The following ZBTB20 variants were observed in gnomAD, a reference collection of about 807,000 sequenced individuals.
ZBTB20 encodes the protein zinc finger and BTB domain containing 20, also known as zinc finger and BTB domain-containing protein 20.
A neutral mutation model predicts 56.9 loss-of-function variants in ZBTB20; 9 were observed. The observed-to-expected ratio is 0.16, with a 90% CI of 0.10 to 0.28. The LOEUF is 0.28. ZBTB20 is among the 10% of genes least tolerant of loss of function. ZBTB20 has a pLI of 1.00. For missense variants in ZBTB20, 655 were observed against 1,003.0 expected, an observed-to-expected ratio of 0.65 and a Z score of 4.69; for synonymous variants, 417 against 420.7, an observed-to-expected ratio of 0.99 and a Z score of 0.11.
intron 5 of ZBTB20, among the ~76,000 whole-genome samples, chr3:114,772,610 T>C (rs1328100371): frequency 6.6e-6 from 1 of 152,110 alleles, no homozygotes; most frequent in East Asian, 1.9e-4. Context: ...TCATAACATA[T>C]ATATTAAAAA....
At chr3:114,899,134 T>C (rs958433144) in intron 4 of ZBTB20, among the ~76,000 whole-genome samples, 2 of 152,192 alleles carry the variant, frequency 1.3e-5, no homozygotes, top group African/African-American at 4.8e-5. Flanking sequence ...AATTAAAGAA[T>C]AATATTCCAT....
At chr3:114,548,565 C>A (rs2050189073) in intron 6 of ZBTB20, among the ~76,000 whole-genome samples, 2 of 150,016 alleles carry the variant, frequency 1.3e-5, no homozygotes, top group South Asian at 2.1e-4. Context: ...GTTGCTCAGG[C>A]TGGAATGCAG....
chr3:114,996,924 C>T lies in ZBTB20; in HGVS notation c.-506-22508G>A, dbSNP rs377516633. On this transcript the variant is annotated intron_variant, in intron 2 of 11. Transcript: ENST00000675478. ...TCATTAGAGAAATGCAAATCAAAAC[C>T]ACAGTAAGATACCATCTCATGCCAG... 1.2e-4 allele frequency among the ~76,000 whole-genome samples: 18 copies of T among 151,852 alleles called. No individual in the cohort carries two copies. The East Asian group carries it at 2.3e-3, about 20-fold the overall frequency.
At chr3:114,464,211 T>C (rs1188261882) in intron 7 of ZBTB20, among the ~76,000 whole-genome samples, 1 of 152,234 alleles carries the variant, frequency 6.6e-6, no homozygotes, top group Non-Finnish European at 1.5e-5. Flanking sequence ...GCACATAAAG[T>C]GTCCATAGAT....
At chr3:115,094,005 C>T (rs2083291334) in intron 1 of ZBTB20, among the ~76,000 whole-genome samples, 1 of 151,900 alleles carries the variant, frequency 6.6e-6, no homozygotes, top group African/African-American at 2.4e-5. Flanking sequence ...AAGCACCAAC[C>T]CCTCAGCTAC....
At chr3:114,678,789 T>C (rs1287069419) in intron 6 of ZBTB20, among the ~76,000 whole-genome samples, 7 of 152,190 alleles carry the variant, frequency 4.6e-5, no homozygotes, top group Non-Finnish European at 7.3e-5. Context: ...AATTTATTAC[T>C]TCATTAAAGA....
chr3:114,844,047 T>G (rs1272499586), intron 4 of ZBTB20, among the ~76,000 whole-genome samples: 1 of 151,860 alleles, frequency 6.6e-6, no homozygotes, highest in Non-Finnish European at 1.5e-5. Context: ...TTGCTAAAAA[T>G]TGTAAACAGT....
intron 4 of ZBTB20, among the ~76,000 whole-genome samples, chr3:114,832,628 T>C (rs1238318474): frequency 2.0e-5 from 3 of 152,136 alleles, no homozygotes; most frequent in Admixed American, 2.0e-4. Flanking sequence ...CTAAAAGCTA[T>C]GAAACGTTAT....
intron 1 of ZBTB20, among the ~76,000 whole-genome samples, chr3:115,137,003 C>A (rs1188527576): frequency 6.6e-6 from 1 of 152,020 alleles, no homozygotes; most frequent in East Asian, 1.9e-4. Context: ...CGATGATGAA[C>A]TTGAGGAGAA....
chr3:114,808,867 C>T (rs1324243235), intron 4 of ZBTB20, among the ~76,000 whole-genome samples: 2 of 151,964 alleles, frequency 1.3e-5, no homozygotes, highest in African/African-American at 4.8e-5. Context: ...TAAGGCAGGT[C>T]TACTAGCAAC....
chr3:115,029,531 C>A, intron 2 of ZBTB20, among the ~76,000 whole-genome samples: 1 of 150,484 alleles, frequency 6.6e-6, no homozygotes, highest in African/African-American at 2.4e-5. Flanking sequence ...ACTGATAGAA[C>A]TGAAGAGAAA....
intron 3 of ZBTB20, among the ~76,000 whole-genome samples, chr3:114,961,019 G>T (rs1449516867): frequency 6.6e-6 from 1 of 151,982 alleles, no homozygotes; most frequent in Non-Finnish European, 1.5e-5. Context: ...GGTCCCTGCA[G>T]CAGACAAGGT....
intron 5 of ZBTB20, among the ~76,000 whole-genome samples, chr3:114,761,914 A>C (rs2068473715): frequency 6.6e-6 from 1 of 152,168 alleles, no homozygotes; most frequent in Admixed American, 6.5e-5. Flanking sequence ...ATAGGTGTAA[A>C]ATATATGGCA....
intron 6 of ZBTB20, among the ~76,000 whole-genome samples, chr3:114,586,989 CTTTTTTT>C (rs1195918426): frequency 6.5e-5 from 5 of 76,978 alleles, no homozygotes; most frequent in Admixed American, 3.7e-4. Context: ...GTATAACTCC[CTTTTTTT>C]TTTTTTTTTT....
chr3:114,621,443 A>C (rs1429545031), intron 6 of ZBTB20, among the ~76,000 whole-genome samples: 1 of 152,196 alleles, frequency 6.6e-6, no homozygotes, highest in Non-Finnish European at 1.5e-5. Flanking sequence ...AGGCATTTAT[A>C]AGCTAACATA....
At chr3:114,400,439 G>A (rs1019414622) in intron 7 of ZBTB20, among the ~76,000 whole-genome samples, 23 of 152,110 alleles carry the variant, frequency 1.5e-4, no homozygotes, top group Admixed American at 1.4e-3. Context: ...AAAGGGTCCC[G>A]AATGTGTGTG....
intron 2 of ZBTB20, among the ~76,000 whole-genome samples, chr3:115,035,361 A>C (rs1377086276): frequency 6.6e-6 from 1 of 152,146 alleles, no homozygotes; most frequent in African/African-American, 2.4e-5. Context: ...AACTCCTAAA[A>C]ACACAACAAC....
intron 3 of ZBTB20, among the ~76,000 whole-genome samples, chr3:114,953,160 G>A (rs964702706): frequency 1.2e-4 from 18 of 151,846 alleles, no homozygotes; most frequent in African/African-American, 3.6e-4. Flanking sequence ...TCTAAGAAGA[G>A]TATAAAAAGA....
At chr3:114,622,317 G>C (rs1013243559) in intron 6 of ZBTB20, among the ~76,000 whole-genome samples, 2 of 151,428 alleles carry the variant, frequency 1.3e-5, no homozygotes, top group African/African-American at 4.9e-5. Context: ...TTTTTCTTTA[G>C]AAAACAAGAT....
Sources: gnomAD v4.1 joint callset for allele counts (sites outside exome capture counted in the v4.1 genomes callset) on GRCh38, gnomAD v4.1.1 for gene constraint, MANE v1.5 for transcripts, NCBI Gene and HGNC (gene_info 2026-07-23, HGNC 2026-07-21) for gene names.